The following DUXA variants were observed in gnomAD, a reference collection of about 807,000 sequenced individuals.
DUXA encodes double homeobox A.
DUXA carries 25 observed loss-of-function variants against 27.5 expected under a neutral mutation model. The observed-to-expected ratio is 0.91, with a 90% CI of 0.66 to 1.27. The LOEUF is 1.27. DUXA is among the 50% of genes most tolerant of loss of function. The probability of loss-of-function intolerance (pLI) is 0.00; values close to 1 mark genes in which losing one functional copy is unlikely to be tolerated. For missense variants in DUXA, 247 were observed against 242.9 expected (o/e 1.02, Z -0.11); for synonymous variants, 90 against 80.5 (o/e 1.12, Z -0.63).
chr19:57,166,833 G>T (rs549590912), intron 1 of DUXA, among the ~76,000 whole-genome samples: 2 of 152,290 alleles, frequency 1.3e-5, no homozygotes, highest in East Asian at 1.9e-4. Flanking sequence ...ATGGAGTCAG[G>T]GGTGTTTTCT....
intron 4 of DUXA, 71 bp from the exon 5 acceptor site, chr19:57,155,443 CTT>C: frequency 8.1e-7 from 1 of 1,237,542 alleles, no homozygotes. Context: ...GCTTTCTTCT[CTT>C]TTTTCTTTTC....
chr19:57,163,605 G>C (rs577234566), intron 1 of DUXA, among the ~76,000 whole-genome samples: 1 of 152,112 alleles, frequency 6.6e-6, no homozygotes, highest in Middle Eastern at 3.4e-3. Flanking sequence ...CACCATGCCT[G>C]GCTAATTTTT....
At chr19:57,157,289 T>G (rs950103222) in intron 4 of DUXA, among the ~76,000 whole-genome samples, 6 of 152,190 alleles carry the variant, frequency 3.9e-5, no homozygotes, top group African/African-American at 1.4e-4. Context: ...TCGGACAGAC[T>G]GGTACATTTC....
At chr19:57,154,573 T>C in intron 5 of DUXA, 91 bp from the exon 6 acceptor site, 1 of 1,102,254 alleles carries the variant, frequency 9.1e-7, no homozygotes, top group Non-Finnish European at 1.3e-6. Context: ...TTTTCTTTTT[T>C]TTTTTTTTTA....
Position 57,158,409 on chromosome 19 carries a change from T to A in DUXA, c.357A>T (p.Ala119=), listed in dbSNP as rs2122690957. 1 of 1,613,874 alleles carries A rather than the reference T, an allele frequency of 6.2e-7. No individual in the cohort carries two copies. The highest frequency in any genetic ancestry group is 1.1e-5 in the South Asian group (1 of 91,068). Residue 119 remains alanine, a synonymous_variant, in exon 4 of 6, where the codon GCA becomes GCT. Coordinates refer to ENST00000554048, the MANE Select transcript of DUXA (RefSeq NM_001012729.2). ...SASQLHTLIK[A]FMKNPYPGID... is the part of the protein sequence containing the mutation. ...TCCCAGGATATGGGTTTTTCATAAA[T>A]GCCTTGATGAGAGTGTGTAACTGAG...
chr19:57,165,655 A>C (rs978167761), intron 1 of DUXA, among the ~76,000 whole-genome samples: 1 of 151,858 alleles, frequency 6.6e-6, no homozygotes, highest in African/African-American at 2.4e-5. Flanking sequence ...AATGCAAAAA[A>C]TTAGCCAGGC....
At chr19:57,155,191 C>G (rs576133291) in intron 5 of DUXA, 76 bp downstream of exon 5, 12 of 1,345,416 alleles carry the variant, frequency 8.9e-6, no homozygotes, top group African/African-American at 7.2e-5. Context: ...GAGGAGCTGT[C>G]GGCTCCACCA....
intron 1 of DUXA, among the ~76,000 whole-genome samples, chr19:57,165,691 GC>G (rs2087050328): frequency 6.6e-6 from 1 of 151,008 alleles, no homozygotes; most frequent in Non-Finnish European, 1.5e-5. Context: ...TGTAGTCCCA[GC>G]TACTCGGGAG....
At chr19:57,167,309 A>T in intron 1 of DUXA, 110 bp downstream of exon 1, 3 of 1,368,120 alleles carry the variant, frequency 2.2e-6, no homozygotes, top group Admixed American at 1.8e-5. Flanking sequence ...ATCCAGATAC[A>T]GTTAAAGTTT....
chr19:57,161,441 A>AG lies in DUXA; in HGVS notation c.26-645_26-644insC, dbSNP rs1568464345. On this transcript the variant is annotated intron_variant, in intron 1 of 5. Transcript: ENST00000554048. ...GATCGAGACCATCCTGGCTAACATG[A>AG]TGAAACCCCGTCTCTACTAAAAATA... Among the ~76,000 whole-genome samples the AG allele has an allele frequency of 6.0e-4, 88 of 145,570 alleles. 3 individuals are homozygous for AG. The South Asian group carries it at 0.018, about 30-fold the overall frequency.
chr19:57,155,099 G>C (rs912662248), intron 5 of DUXA, among the ~76,000 whole-genome samples, 168 bp downstream of exon 5: 5 of 152,198 alleles, frequency 3.3e-5, no homozygotes, highest in Non-Finnish European at 5.9e-5. Context: ...AAGGTTCATA[G>C]GCCTGGGAAG....
chr19:57,164,404 C>T (rs1304054735), intron 1 of DUXA, among the ~76,000 whole-genome samples: 1 of 152,000 alleles, frequency 6.6e-6, no homozygotes, highest in African/African-American at 2.4e-5. Context: ...GGAGAAACCC[C>T]GTCTCTACTA....
In DUXA at chr19:57,158,373, T is replaced by G; in HGVS notation, c.393A>C (p.Arg131Ser). 2 of 1,612,758 alleles carry G rather than the reference T, an allele frequency of 1.2e-6. No individual in the cohort carries two copies. Among genetic ancestry groups the G allele is most frequent in the Non-Finnish European group, 1.7e-6 (2 of 1,179,994 alleles). ...MKNPYPGIDS[R>S]EELAKEIGVP... ...CACCGATTTCTTTAGCAAGTTCTTC[T>G]CTGGAATCAATCCCAGGATATGGGT... Residue 131 changes from arginine to serine, a missense_variant, in exon 4 of 6, where the codon AGA becomes AGC. Transcript: ENST00000554048.
intron 4 of DUXA, among the ~76,000 whole-genome samples, chr19:57,156,162 T>C (rs1004138779): frequency 1.3e-5 from 2 of 151,912 alleles, no homozygotes; most frequent in Non-Finnish European, 2.9e-5. Context: ...TGCCTGAAAT[T>C]TTTTTTTCTA....
At chr19:57,165,324 A>AAAAATATATATATATATAT (rs1491567041) in intron 1 of DUXA, among the ~76,000 whole-genome samples, 7 of 89,262 alleles carry the variant, frequency 7.8e-5, no homozygotes, top group Non-Finnish European at 1.6e-4. Context: ...AAAAAAAAAA[A>AAAAATATATATATATATAT]ATATATATAT....
intron 4 of DUXA, among the ~76,000 whole-genome samples, chr19:57,156,893 C>A (rs1276780667): frequency 1.3e-5 from 2 of 151,996 alleles, no homozygotes; most frequent in Non-Finnish European, 2.9e-5. Context: ...CTCGAACTCC[C>A]GACCTCAGGT....
intron 1 of DUXA, among the ~76,000 whole-genome samples, chr19:57,162,710 G>A (rs140509876): frequency 6.6e-6 from 1 of 152,128 alleles, no homozygotes; most frequent in Non-Finnish European, 1.5e-5. Flanking sequence ...AAGTAGCTGG[G>A]GTTACAGGCA....
At chr19:57,161,514 T>C (rs1481447236) in intron 1 of DUXA, among the ~76,000 whole-genome samples, 1 of 148,566 alleles carries the variant, frequency 6.7e-6, no homozygotes, top group Non-Finnish European at 1.5e-5. Flanking sequence ...TCCCAGCTAC[T>C]CCGGAGGCTG....
At chr19:57,155,673 A>ATAGATAGATAGATAGATAGATAGG (rs1256137436) in intron 4 of DUXA, among the ~76,000 whole-genome samples, 2 of 151,570 alleles carry the variant, frequency 1.3e-5, no homozygotes, top group East Asian at 1.9e-4. Flanking sequence ...AGATAGATAG[A>ATAGATAGATAGATAGATAGATAGG]TACTTTTTTT....
Sources: allele counts gnomAD v4.1 joint callset (sites outside exome capture counted in the v4.1 genomes callset), GRCh38; gene constraint gnomAD v4.1.1; transcripts MANE v1.5; gene names NCBI Gene and HGNC (gene_info 2026-07-23, HGNC 2026-07-21).